EFCAB5: variants seen among roughly 807,000 people sequenced by gnomAD.
EFCAB5 encodes EF-hand calcium binding domain 5, also known as EF-hand calcium-binding domain-containing protein 5.
In EFCAB5, 131 loss-of-function variants were observed where a neutral mutation model predicts 167.9. The observed-to-expected ratio is 0.78, with a 90% CI of 0.68 to 0.90. The LOEUF is 0.90. EFCAB5 is among the 40% of genes least tolerant of loss of function. The pLI is 0.00. For missense variants in EFCAB5, 1,663 were observed against 1,745.2 expected, an observed-to-expected ratio of 0.95 and a Z score of 0.84; for synonymous variants, 574 against 602.8, an observed-to-expected ratio of 0.95 and a Z score of 0.70.
chr17:30,070,997 A>T (rs2070722881), intron 14 of EFCAB5, among the ~76,000 whole-genome samples: 1 of 150,914 alleles, frequency 6.6e-6, no homozygotes, highest in Admixed American at 6.6e-5. Flanking sequence ...AAAATGGATC[A>T]AAGACTTAAA....
rs772903206 is a variant in EFCAB5 at position 30,073,670 on chromosome 17, CT to C, written c.2738-4543del. 7.9e-5 allele frequency: 56 copies of C among 712,876 alleles called. No individual in the cohort carries two copies. The African/African-American group carries it at 9.7e-4, about 12-fold the overall frequency. 44.2% of individuals were successfully genotyped at this position (712,876 alleles called of 1,614,324 possible). On this transcript the variant is annotated intron_variant, in intron 14 of 22. Transcript: ENST00000394835. ...TAGGGAAAGAAGGAAGTTTTTTCCTCTTGAGACCAAATTTCCATAAAATGAG... is the reference window on the plus strand; with the variant it reads ...TAGGGAAAGAAGGAAGTTTTTTCCTCTGAGACCAAATTTCCATAAAATGAG...
chr17:30,064,119 G>A (rs2070498281), intron 14 of EFCAB5, among the ~76,000 whole-genome samples: 3 of 152,068 alleles, frequency 2.0e-5, no homozygotes, highest in Admixed American at 2.0e-4. Context: ...GATAAAGCAA[G>A]GAAATATGGC....
chr17:29,980,560 C>T (rs2068153653), intron 4 of EFCAB5, among the ~76,000 whole-genome samples: 1 of 152,106 alleles, frequency 6.6e-6, no homozygotes, highest in Admixed American at 6.5e-5. Context: ...TACTTTTTCC[C>T]TCCTCTTCCA....
intron 4 of EFCAB5, among the ~76,000 whole-genome samples, chr17:29,986,580 A>G (rs1201193156): frequency 1.3e-5 from 2 of 149,708 alleles, no homozygotes; most frequent in Admixed American, 6.7e-5. Flanking sequence ...GCCAGGTCCA[A>G]TTCTGCTTAC....
chr17:30,102,913 C>T (rs2071400340), intron 22 of EFCAB5, among the ~76,000 whole-genome samples: 1 of 152,040 alleles, frequency 6.6e-6, no homozygotes, highest in Non-Finnish European at 1.5e-5. Flanking sequence ...CTTACTGCAA[C>T]CTCTCCCTCT....
In EFCAB5 at chr17:30,056,051, T is replaced by C; in HGVS notation, c.2273-13T>C. 1 of 1,613,084 alleles carries C rather than the reference T, an allele frequency of 6.2e-7. No individual in the cohort carries two copies. The highest frequency in any genetic ancestry group is 8.5e-7 in the Non-Finnish European group (1 of 1,179,402). ...AAGTTTGATTGGCTATGTTATGGAA[T>C]GTGTTTTTACAGGTGAATTTTTTAC... On this transcript the variant is annotated splice_polypyrimidine_tract_variant and intron_variant, in intron 11 of 22. Coordinates refer to ENST00000394835, the MANE Select transcript of EFCAB5 (RefSeq NM_198529.4).
intron 4 of EFCAB5, among the ~76,000 whole-genome samples, chr17:29,977,236 T>A (rs536325558): frequency 7.2e-5 from 11 of 152,268 alleles, no homozygotes; most frequent in African/African-American, 2.6e-4. Context: ...TAAAATAGGA[T>A]TACAAACTTT....
rs1327304276 is a variant in EFCAB5, at chr17:30,088,564, G to GTT, written c.3683+1398_3683+1399insTT. Among the ~76,000 whole-genome samples the GTT allele has an allele frequency of 3.3e-5, 5 of 152,196 alleles. No individual in the cohort carries two copies. In the East Asian group the frequency reaches 9.6e-4, roughly 29 times the overall value. On this transcript the variant is annotated intron_variant, in intron 19 of 22. Transcript: ENST00000394835. ...TAAAGAAGACATGCAGAGTTGGAGA[G>GTT]AAGGCAAAGCATGTTGTATTTAATA...
At chr17:30,043,668 T>A (rs2069838205) in intron 8 of EFCAB5, among the ~76,000 whole-genome samples, 1 of 152,228 alleles carries the variant, frequency 6.6e-6, no homozygotes, top group East Asian at 1.9e-4. Context: ...TTTAACAAAG[T>A]ATTTGCAAAT....
chr17:29,977,894 G>C (rs189411360), intron 4 of EFCAB5, among the ~76,000 whole-genome samples: 3 of 152,162 alleles, frequency 2.0e-5, no homozygotes, highest in Admixed American at 1.3e-4. Context: ...TAAACTATGT[G>C]ACAAAAATCT....
At position 30,087,157 on chromosome 17, in the gene EFCAB5, G is replaced by T; in HGVS notation, c.3674G>T (p.Cys1225Phe). 4 of 1,613,470 alleles carry T rather than the reference G, an allele frequency of 2.5e-6. No homozygotes were observed. Among genetic ancestry groups the T allele is most frequent in the Non-Finnish European group, 3.4e-6 (4 of 1,179,524 alleles). ...KNPPTIHRKS[C>F]IFRDFLFKCT... The stretch of plus-strand genomic sequence containing the variant: ...CCTCCTACCATCCACAGGAAGTCAT[G>T]CATCTTCAGGTTAGAGACATGTCTG... The change falls in exon 19 of 23, where the codon TGC becomes TTC. Residue 1225 changes from cysteine to phenylalanine, a missense_variant. Physicochemically the swap from Cys to Phe is radical, Grantham distance 205. Transcript: ENST00000394835.
At chr17:29,972,282 C>T (rs988083192) in intron 4 of EFCAB5, among the ~76,000 whole-genome samples, 17 of 151,134 alleles carry the variant, frequency 1.1e-4, no homozygotes, top group Non-Finnish European at 2.2e-4. Context: ...ATCTCCTGAC[C>T]TCGTGATCCG....
chr17:30,031,682 A>G (rs1287247052), intron 7 of EFCAB5: 1 of 152,200 alleles, frequency 6.6e-6, no homozygotes, highest in Non-Finnish European at 1.5e-5. Context: ...GCTTGTTCCC[A>G]TGGTAACAGC....
At chr17:30,023,325 G>A (rs1170610675) in intron 7 of EFCAB5, among the ~76,000 whole-genome samples, 6 of 151,842 alleles carry the variant, frequency 4.0e-5, no homozygotes, top group South Asian at 4.2e-4. Context: ...TCAAATAGAC[G>A]CAATAAAAAA....
rs1567776825 is a variant in EFCAB5, at chr17:30,096,670, TA to T, written c.4321+3735del. 3.0e-3 allele frequency among the ~76,000 whole-genome samples: 185 copies of T among 61,982 alleles called. 1 individual carries two copies. The highest frequency in any genetic ancestry group is 0.013 in the African/African-American group (184 of 13,712). The allele number at this position is 61,982 out of a possible 152,430, so 40.7% of individuals were successfully genotyped here. ...CTGAAAGCATATATATATATATATA[TA>T]TATATATTTTTTTTTTTTTTTTTTT... On this transcript the variant is annotated intron_variant, in intron 22 of 22. Transcript: ENST00000394835.
chr17:30,054,436 G>A (rs1223472699), intron 10 of EFCAB5, among the ~76,000 whole-genome samples: 1 of 152,152 alleles, frequency 6.6e-6, no homozygotes, highest in African/African-American at 2.4e-5. Context: ...AAAGGTAGTA[G>A]AAGCCCTTTT....
chr17:29,943,424 A>G (rs756999366), intron 2 of EFCAB5, 141 bp from the exon 3 acceptor site: 4 of 617,884 alleles, frequency 6.5e-6, no homozygotes, highest in African/African-American at 1.9e-5. Flanking sequence ...AATATACAGC[A>G]TTAGATCCCA....
At chr17:29,955,236 G>A (rs887362258) in intron 3 of EFCAB5, among the ~76,000 whole-genome samples, 1 of 152,090 alleles carries the variant, frequency 6.6e-6, no homozygotes, top group African/African-American at 2.4e-5. Context: ...GAGGGGCCGG[G>A]GCAGAATGAT....
At chr17:29,951,434 A>T (rs953349997) in intron 3 of EFCAB5, among the ~76,000 whole-genome samples, 1 of 151,738 alleles carries the variant, frequency 6.6e-6, no homozygotes, top group Non-Finnish European at 1.5e-5. Flanking sequence ...ACCTCCTGGG[A>T]TCATGCCATT....
Sources: allele counts gnomAD v4.1 joint callset (sites outside exome capture counted in the v4.1 genomes callset), GRCh38; gene constraint gnomAD v4.1.1; transcripts MANE v1.5; gene names NCBI Gene and HGNC (gene_info 2026-07-23, HGNC 2026-07-21).